ADAMTS17: variants seen among roughly 807,000 people sequenced by gnomAD.
ADAMTS17 encodes ADAM metallopeptidase with thrombospondin type 1 motif 17.
ADAMTS17 carries 113 observed loss-of-function variants against 141.5 expected under a neutral mutation model. The observed-to-expected ratio is 0.80, with a 90% CI of 0.69 to 0.93. The LOEUF is 0.93. Ranked by LOEUF, ADAMTS17 falls within the 40% of genes least tolerant of loss-of-function variation. ADAMTS17 has a pLI of 0.00. For missense variants in ADAMTS17, 1,659 were observed against 1,517.9 expected (o/e 1.09, Z -1.54); for synonymous variants, 768 against 630.6 (o/e 1.22, Z -3.27).
intron 3 of ADAMTS17, among the ~76,000 whole-genome samples, chr15:100,303,105 AATATAT>A (rs989782456): frequency 3.4e-5 from 5 of 146,864 alleles, no homozygotes; most frequent in Non-Finnish European, 6.0e-5. Context: ...ATATATATAA[AATATAT>A]AATATATATT....
intron 3 of ADAMTS17, among the ~76,000 whole-genome samples, chr15:100,304,001 G>A (rs528145141): frequency 6.6e-6 from 1 of 152,372 alleles, no homozygotes; most frequent in South Asian, 2.1e-4. Context: ...TGGGATTACA[G>A]GCATGAGCCG....
At chr15:100,203,746 C>T (rs115840481) in intron 7 of ADAMTS17, among the ~76,000 whole-genome samples, 1,849 of 151,860 alleles carry the variant, frequency 0.012, 53 homozygotes, top group African/African-American at 0.042. Context: ...AAAAAACACC[C>T]AAATTAGCCA....
intron 18 of ADAMTS17, among the ~76,000 whole-genome samples, chr15:100,027,200 T>C (rs1490697878): frequency 2.6e-5 from 4 of 152,250 alleles, no homozygotes; most frequent in African/African-American, 4.8e-5. Context: ...TTCCACCCAC[T>C]CTCTAAACAA....
At chr15:100,123,848 C>T (rs967675429) in intron 12 of ADAMTS17, among the ~76,000 whole-genome samples, 5 of 152,208 alleles carry the variant, frequency 3.3e-5, no homozygotes, top group Admixed American at 1.3e-4. Flanking sequence ...CTGGGAGGGG[C>T]TGCCCATCAG....
intron 20 of ADAMTS17, among the ~76,000 whole-genome samples, chr15:99,986,437 G>A (rs1368042539): frequency 6.6e-6 from 1 of 152,144 alleles, no homozygotes; most frequent in African/African-American, 2.4e-5. Flanking sequence ...CCTTGAACAT[G>A]TATTGCATCA....
chr15:100,101,467 G>A (rs4354916), intron 14 of ADAMTS17, among the ~76,000 whole-genome samples: 3 of 152,164 alleles, frequency 2.0e-5, no homozygotes, highest in Non-Finnish European at 4.4e-5. Flanking sequence ...CCACCCTATG[G>A]GTTTTCTGCT....
At chr15:100,084,298 G>A (rs1399292803) in intron 15 of ADAMTS17, among the ~76,000 whole-genome samples, 4 of 152,318 alleles carry the variant, frequency 2.6e-5, no homozygotes, top group African/African-American at 9.6e-5. Flanking sequence ...CTGGGGGTGG[G>A]GTGTCCGCCA....
chr15:100,008,835 T>C (rs2061095693), intron 18 of ADAMTS17, among the ~76,000 whole-genome samples: 2 of 152,010 alleles, frequency 1.3e-5, no homozygotes, highest in South Asian at 4.2e-4. Context: ...TTTGTGCCGT[T>C]TTTGTTTGTT....
At chr15:100,010,664 A>G (rs2061147074) in intron 18 of ADAMTS17, among the ~76,000 whole-genome samples, 1 of 152,220 alleles carries the variant, frequency 6.6e-6, no homozygotes, top group South Asian at 2.1e-4. Context: ...CAACTCTGTT[A>G]CGAGAACAAC....
At chr15:100,190,275 C>T (rs1040878190) in intron 8 of ADAMTS17, among the ~76,000 whole-genome samples, 1 of 152,244 alleles carries the variant, frequency 6.6e-6, no homozygotes, top group Admixed American at 6.5e-5. Context: ...GAACAAAGTG[C>T]ATGATTCCGT....
intron 16 of ADAMTS17, 74 bp from the exon 17 acceptor site, chr15:100,051,805 C>A (rs2032170433): frequency 6.3e-7 from 1 of 1,582,516 alleles, no homozygotes; most frequent in Non-Finnish European, 8.7e-7. Context: ...TCTGCACACA[C>A]AGGCACACTG....
intron 8 of ADAMTS17, among the ~76,000 whole-genome samples, chr15:100,185,574 C>T (rs1039741503): frequency 2.0e-5 from 3 of 152,218 alleles, no homozygotes; most frequent in Non-Finnish European, 4.4e-5. Flanking sequence ...GTGAGAAAAT[C>T]AACACTTCCC....
intron 14 of ADAMTS17, among the ~76,000 whole-genome samples, chr15:100,102,285 G>A (rs1407798250): frequency 1.3e-5 from 2 of 149,620 alleles, no homozygotes; most frequent in African/African-American, 4.9e-5. Flanking sequence ...CCCGACCGAA[G>A]GAGATCTACA....
intron 8 of ADAMTS17, among the ~76,000 whole-genome samples, chr15:100,195,669 C>T (rs1287454491): frequency 8.6e-6 from 1 of 116,638 alleles, no homozygotes; most frequent in Non-Finnish European, 1.8e-5. Flanking sequence ...AAAAAAAAAT[C>T]TGTCAATCTC....
At chr15:100,097,024 C>T (rs1417628105) in intron 14 of ADAMTS17, among the ~76,000 whole-genome samples, 6 of 152,172 alleles carry the variant, frequency 3.9e-5, no homozygotes, top group Admixed American at 1.3e-4. Flanking sequence ...GGTAGGAAGA[C>T]CTAGTCTATG....
In ADAMTS17 at chr15:100,007,484, G is replaced by A. The variant is rs1409970801; in HGVS notation, c.2592-9895C>T. 4.6e-5 allele frequency among the ~76,000 whole-genome samples: 7 copies of A among 151,964 alleles called. No homozygotes were observed. In the South Asian group the frequency reaches 1.0e-3, roughly 23 times the overall value. ...CACCCAGGCTGGAGTGCAATGGCAC[G>A]ATCTCGACTCACTGCAACCTTTGCC... On this transcript the variant is annotated intron_variant, in intron 18 of 21. Coordinates refer to ENST00000268070, the MANE Select transcript of ADAMTS17 (RefSeq NM_139057.4).
chr15:100,140,051 A>T (rs1402509874), intron 10 of ADAMTS17, among the ~76,000 whole-genome samples: 1 of 152,088 alleles, frequency 6.6e-6, no homozygotes, highest in South Asian at 2.1e-4. Context: ...GCTGGAGTGC[A>T]GTGGTGCAAT....
At chr15:100,008,428 G>A (rs972442568) in intron 18 of ADAMTS17, among the ~76,000 whole-genome samples, 2 of 152,168 alleles carry the variant, frequency 1.3e-5, no homozygotes, top group Non-Finnish European at 1.5e-5. Flanking sequence ...CCTCATGGAA[G>A]AGTCATCGTG....
intron 18 of ADAMTS17, among the ~76,000 whole-genome samples, chr15:100,044,102 C>T (rs1021010274): frequency 6.6e-6 from 1 of 152,142 alleles, no homozygotes; most frequent in Non-Finnish European, 1.5e-5. Context: ...ATATACTTGC[C>T]CACTTGTTGC....
Sources: allele counts gnomAD v4.1 joint callset (sites outside exome capture counted in the v4.1 genomes callset), GRCh38; gene constraint gnomAD v4.1.1; transcripts MANE v1.5; gene names NCBI Gene and HGNC (gene_info 2026-07-23, HGNC 2026-07-21).